The following ASCC1 variants were observed in gnomAD, a reference collection of about 807,000 sequenced individuals.
ASCC1 encodes activating signal cointegrator 1 complex subunit 1.
Under a neutral mutation model 46.6 loss-of-function variants are expected in ASCC1, and 35 were observed. That is an observed-to-expected ratio of 0.75 (90% CI 0.57 to 0.99). The LOEUF (loss-of-function observed/expected upper bound fraction) is 0.99. ASCC1 is among the 50% of genes least tolerant of loss of function. The pLI is 0.00. For synonymous variants in ASCC1, 143 were observed against 146.6 expected (o/e 0.98, Z 0.18); for missense variants, 376 against 428.7 (o/e 0.88, Z 1.09).
chr10:72,118,597 T>A (rs1199272868), intron 9 of ASCC1, among the ~76,000 whole-genome samples: 1 of 151,594 alleles, frequency 6.6e-6, no homozygotes, highest in Non-Finnish European at 1.5e-5. Context: ...CTGACCAACA[T>A]GGTGAAACCC....
intron 2 of ASCC1, 66 bp from the exon 3 acceptor site, chr10:72,210,897 A>C: frequency 6.7e-7 from 1 of 1,489,794 alleles, no homozygotes; most frequent in Non-Finnish European, 9.3e-7. Flanking sequence ...CTTTCGCCTC[A>C]GCTGTCAACC....
At chr10:72,193,893 G>A (rs2133226225) in intron 5 of ASCC1, among the ~76,000 whole-genome samples, 1 of 149,560 alleles carries the variant, frequency 6.7e-6, no homozygotes, top group Non-Finnish European at 1.5e-5. Context: ...GGAGCGCAGT[G>A]GTGCGATCTC....
chr10:72,170,099 G>A (rs1411443999), intron 5 of ASCC1, among the ~76,000 whole-genome samples: 1 of 151,124 alleles, frequency 6.6e-6, no homozygotes, highest in East Asian at 1.9e-4. Context: ...AAGCCTGGGC[G>A]ACAAGAGTGA....
rs142923631 is a variant in ASCC1, at chr10:72,122,183, T to G, written c.957+5899A>C. On this transcript the variant is annotated intron_variant, in intron 9 of 9. Transcript: ENST00000672957. ...CGCCTGTAATCCCAACACTTTGGGA[T>G]GCCAAGGTGGGCGGATCACAACATC... Among the ~76,000 whole-genome samples, 135 of 152,280 alleles carry G rather than the reference T, an allele frequency of 8.9e-4. 2 individuals carry two copies. Among genetic ancestry groups the G allele is most frequent in the African/African-American group, 3.2e-3 (131 of 41,568 alleles).
In ASCC1 at chr10:72,097,318, C is replaced by T; in HGVS notation, c.*16G>A. On this transcript the variant is annotated 3_prime_UTR_variant, in exon 10 of 10. Coordinates refer to ENST00000672957, the MANE Select transcript of ASCC1 (RefSeq NM_001198800.3). ...TGGTGAAGATGTTTAGTTTCTAGTG[C>T]TTTCCAAGATCCACCTCAGGAGAAG... 1 of 1,537,188 alleles carries T rather than the reference C, an allele frequency of 6.5e-7. No homozygotes were observed. The highest frequency in any genetic ancestry group is 9.0e-7 in the Non-Finnish European group (1 of 1,110,322).
intron 4 of ASCC1, among the ~76,000 whole-genome samples, chr10:72,199,970 T>G (rs1856263610): frequency 6.6e-6 from 1 of 151,932 alleles, no homozygotes; most frequent in South Asian, 2.1e-4. Context: ...TGGGCTCAAG[T>G]GATCCTCCCA....
At chr10:72,149,324 G>A (rs1329515567) in intron 7 of ASCC1, among the ~76,000 whole-genome samples, 2 of 150,948 alleles carry the variant, frequency 1.3e-5, no homozygotes, top group African/African-American at 2.4e-5. Context: ...TGTAGTCTCA[G>A]CTACTCAGGA....
At chr10:72,209,141 G>A (rs1359823093) in intron 3 of ASCC1, among the ~76,000 whole-genome samples, 1 of 151,372 alleles carries the variant, frequency 6.6e-6, no homozygotes, top group Non-Finnish European at 1.5e-5. Flanking sequence ...CTGCAGCCTG[G>A]GTAACAAAGC....
rs1841060333 is a variant in ASCC1 at position 72,096,065 on chromosome 10, G to A, written c.*1269C>T. ...AACATTTTATTCACAAGTGATTTGT[G>A]CAGTCCCAATAATAAATCTCACTGT... On this transcript the variant is annotated 3_prime_UTR_variant, in exon 10 of 10. Coordinates refer to ENST00000672957, the MANE Select transcript of ASCC1 (RefSeq NM_001198800.3). 2.2e-6 allele frequency: 1 copy of A among 451,222 alleles called. No homozygotes were observed. Among genetic ancestry groups the A allele is most frequent in the African/African-American group, 2.0e-5 (1 of 49,854 alleles). The allele number at this position is 451,222 out of a possible 1,614,324, so 28.0% of individuals were successfully genotyped here. A position where few individuals can be genotyped will look rare whatever the true frequency, so the allele number is the denominator to read the frequency against.
rs1325996073 is a variant in ASCC1, at chr10:72,111,699, T to C, written c.958-14249A>G. Among the ~76,000 whole-genome samples, 4 of 152,090 alleles carry C rather than the reference T, an allele frequency of 2.6e-5. No homozygotes were observed. In the East Asian group the frequency reaches 5.8e-4, roughly 22 times the overall value. On this transcript the variant is annotated intron_variant, in intron 9 of 9. Coordinates refer to ENST00000672957, the MANE Select transcript of ASCC1 (RefSeq NM_001198800.3). ...CACTGTAGCCCAGGCTGGAGTGCAATGGTGCGATCTTGGCTCACTGCAAGC... is the reference window on the plus strand; with the variant it reads ...CACTGTAGCCCAGGCTGGAGTGCAACGGTGCGATCTTGGCTCACTGCAAGC...
chr10:72,099,656 A>G (rs1416107521), intron 9 of ASCC1, among the ~76,000 whole-genome samples: 2 of 152,312 alleles, frequency 1.3e-5, no homozygotes, highest in Non-Finnish European at 1.5e-5. Context: ...CCCCGTCTCT[A>G]CTAAAAATAC....
At chr10:72,153,893 T>A (rs1234759943) in intron 6 of ASCC1, among the ~76,000 whole-genome samples, 2 of 152,106 alleles carry the variant, frequency 1.3e-5, no homozygotes, top group African/African-American at 4.8e-5. Context: ...AGCTAATTTT[T>A]GTATTTTTAG....
intron 2 of ASCC1, 57 bp downstream of exon 2, chr10:72,213,130 T>C: frequency 8.1e-7 from 1 of 1,234,290 alleles, no homozygotes; most frequent in South Asian, 1.2e-5. Context: ...AAAAAATTGA[T>C]CCTACAATAC....
In ASCC1 at chr10:72,173,102, T is replaced by C. The variant is rs575021990; in HGVS notation, c.490-11428A>G. Among the ~76,000 whole-genome samples, 168 of 150,544 alleles carry C rather than the reference T, an allele frequency of 1.1e-3. 1 individual carries two copies. Among genetic ancestry groups the C allele is most frequent in the African/African-American group, 3.7e-3 (153 of 40,982 alleles). ...GCATGCCAAATCAAGACTTAACTAG[T>C]AGAGCCAGACTCAATTCTAAAGGCC... On this transcript the variant is annotated intron_variant, in intron 5 of 9. Transcript: ENST00000672957.
chr10:72,187,574 G>T (rs1170114825), intron 5 of ASCC1, among the ~76,000 whole-genome samples: 1 of 152,042 alleles, frequency 6.6e-6, no homozygotes, highest in African/African-American at 2.4e-5. Flanking sequence ...CAAAAAATTA[G>T]CCGGGCACAG....
intron 6 of ASCC1, among the ~76,000 whole-genome samples, chr10:72,160,353 G>A (rs554511980): frequency 8.5e-5 from 13 of 152,272 alleles, no homozygotes; most frequent in Non-Finnish European, 1.3e-4. Flanking sequence ...CTATTTGAGT[G>A]AATTGGCTTT....
intron 5 of ASCC1, among the ~76,000 whole-genome samples, chr10:72,187,907 CA>C (rs928519836): frequency 6.6e-6 from 1 of 150,728 alleles, no homozygotes; most frequent in African/African-American, 2.4e-5. Flanking sequence ...GAGCCGAGAT[CA>C]AACCACTGCA....
At chr10:72,190,663 A>G (rs1854290042) in intron 5 of ASCC1, 2 of 703,764 alleles carry the variant, frequency 2.8e-6, no homozygotes. Flanking sequence ...TGTTAAAGCT[A>G]GTCTGCAAAT....
At chr10:72,132,496 T>C (rs1432340192) in intron 8 of ASCC1, among the ~76,000 whole-genome samples, 1 of 152,234 alleles carries the variant, frequency 6.6e-6, no homozygotes, top group Non-Finnish European at 1.5e-5. Flanking sequence ...ACCTCTGTGC[T>C]ACGACATTTT....
Sources: gnomAD v4.1 joint callset for allele counts (sites outside exome capture counted in the v4.1 genomes callset) on GRCh38, gnomAD v4.1.1 for gene constraint, MANE v1.5 for transcripts, NCBI Gene and HGNC (gene_info 2026-07-23, HGNC 2026-07-21) for gene names.